ERCC2: variants seen among roughly 807,000 people sequenced by gnomAD.
ERCC2 encodes the protein general transcription and DNA repair factor IIH helicase subunit XPD.
ERCC2 carries 90 observed loss-of-function variants against 99.4 expected under a neutral mutation model. The ratio of observed to expected loss-of-function variants is 0.91; its 90% CI spans 0.76 to 1.08. ERCC2 has a LOEUF of 1.08. Among genes scored for constraint, ERCC2 ranks in the 50% least tolerant of loss-of-function variants. The pLI, the probability that ERCC2 is intolerant of heterozygous loss-of-function variation, is 0.00. For synonymous variants in ERCC2, 497 were observed against 432.4 expected, an observed-to-expected ratio of 1.15 and a Z score of -1.85; for missense variants, 993 against 1,038.1, an observed-to-expected ratio of 0.96 and a Z score of 0.60.
chr19:45,350,113 C>T lies in ERCC2; in HGVS notation c.*1516G>A, dbSNP rs1203452486. On this transcript the variant is annotated 3_prime_UTR_variant, in exon 23 of 23. Coordinates refer to ENST00000391945, the MANE Select transcript of ERCC2 (RefSeq NM_000400.4). Reference sequence around the variant, plus strand: ...CAAGGCTTTAGGCAGGGGAAGGATACGGCCAGGTCAGCACATTAGAAAGTG... The same window carrying T: ...CAAGGCTTTAGGCAGGGGAAGGATATGGCCAGGTCAGCACATTAGAAAGTG... 1.1e-5 allele frequency: 6 copies of T among 551,682 alleles called. No homozygotes were observed. Among genetic ancestry groups the T allele is most frequent in the African/African-American group, 3.8e-5 (2 of 52,944 alleles). The allele number at this position is 551,682 out of a possible 1,614,324, so 34.2% of individuals were successfully genotyped here.
rs755859951 is a variant in ERCC2, at chr19:45,351,351, C to T, written c.*278G>A. ...GCGCCAGCACCCAGGACCTGAGCCCCCACTAACGTCCAGTGAACTGCGCTG... is the reference window on the plus strand; with the variant it reads ...GCGCCAGCACCCAGGACCTGAGCCCTCACTAACGTCCAGTGAACTGCGCTG... On this transcript the variant is annotated 3_prime_UTR_variant, in exon 23 of 23. Transcript: ENST00000391945. The T allele has an allele frequency of 4.3e-6, 7 of 1,610,964 alleles. No homozygotes were observed. In the South Asian group the frequency reaches 4.4e-5, roughly 10 times the overall value.
chr19:45,352,845 G>A (rs780130421), intron 19 of ERCC2, 29 bp from the exon 20 acceptor site: 6 of 1,608,818 alleles, frequency 3.7e-6, no homozygotes, highest in East Asian at 2.2e-5. Context: ...GGGGCGAGGG[G>A]GGTTACAAGT....
Position 45,358,940 on chromosome 19 carries a change from A to G in ERCC2, c.1238-1241T>C, listed in dbSNP as rs753050140. 3 of 767,238 alleles carry G rather than the reference A, an allele frequency of 3.9e-6. No homozygotes were observed. The South Asian group carries it at 4.2e-5, about 11-fold the overall frequency. 47.5% of individuals were successfully genotyped at this position (767,238 alleles called of 1,614,324 possible). On this transcript the variant is annotated intron_variant, in intron 12 of 22. Transcript: ENST00000391945. ...GTTTGTTGAAGAAATAAATGAATGAATGAATTTACATATTCGGTTTCACAC... is the reference window on the plus strand; with the variant it reads ...GTTTGTTGAAGAAATAAATGAATGAGTGAATTTACATATTCGGTTTCACAC...
chr19:45,350,829 A>C lies in ERCC2; in HGVS notation c.*800T>G. 7.3e-7 allele frequency: 1 copy of C among 1,376,226 alleles called. No individual in the cohort carries two copies. Among genetic ancestry groups the C allele is most frequent in the Non-Finnish European group, 1.0e-6 (1 of 988,060 alleles). 85.3% of individuals were successfully genotyped at this position (1,376,226 alleles called of 1,614,324 possible). A position where few individuals can be genotyped will look rare whatever the true frequency, so the allele number is the denominator to read the frequency against. On this transcript the variant is annotated 3_prime_UTR_variant, in exon 23 of 23. Transcript: ENST00000391945. Reference sequence around the variant, plus strand: ...CCCACCCCCACCCCCATCTTGCTCAAGAACCTTCCATGGCTCCCATCTCCC... The same window carrying C: ...CCCACCCCCACCCCCATCTTGCTCACGAACCTTCCATGGCTCCCATCTCCC...
chr19:45,368,509 C>G lies in ERCC2; in HGVS notation c.360+121G>C, dbSNP rs376962750. The G allele has an allele frequency of 7.9e-4, 581 of 738,342 alleles. 5 individuals carry two copies. Among genetic ancestry groups the G allele is most frequent in the South Asian group, 1.5e-3 (104 of 67,764 alleles). 45.7% of individuals were successfully genotyped at this position (738,342 alleles called of 1,614,324 possible). A position where few individuals can be genotyped will look rare whatever the true frequency, so the allele number is the denominator to read the frequency against. Reference sequence around the variant, plus strand: ...GAATTTGACCACTGAGACGGGAATTCTGTGTGTAGCCACTGCATGCCTTTG... The same window carrying G: ...GAATTTGACCACTGAGACGGGAATTGTGTGTGTAGCCACTGCATGCCTTTG... On this transcript the variant is annotated intron_variant, in intron 5 of 22. Coordinates refer to ENST00000391945, the MANE Select transcript of ERCC2 (RefSeq NM_000400.4).
Position 45,365,062 on chromosome 19 carries a change from G to T in ERCC2, c.457C>A (p.Pro153Thr). The change falls in exon 6 of 23, where the codon CCC becomes ACC. Residue 153 changes from proline (P) to threonine (T), a missense_variant. Pro to Thr is a conservative substitution (Grantham distance 38). Around this residue, in one of 3 missense-constraint regions of ERCC2, gnomAD observed 909 missense variants for 930.8 expected, o/e 0.98. Coordinates refer to ENST00000391945, the MANE Select transcript of ERCC2 (RefSeq NM_000400.4). The stretch of plus-strand genomic sequence containing the variant: ...GTAACCTCATAGAATCGGCAGTGGG[G>T]CAGGCTGGTGTCATGCTGGTACTGC... The part of the protein sequence containing the change: ...RAQYQHDTSL[P>T]HCRFYEEFDA... 2 of 1,613,940 alleles carry T rather than the reference G, an allele frequency of 1.2e-6. No individual in the cohort carries two copies. The highest frequency in any genetic ancestry group is 1.7e-6 in the Non-Finnish European group (2 of 1,179,848).
rs775277909 is a variant in ERCC2 at position 45,363,946 on chromosome 19, C to T, written c.950-35G>A. On this transcript the variant is annotated intron_variant, in intron 10 of 22. Coordinates refer to ENST00000391945, the MANE Select transcript of ERCC2 (RefSeq NM_000400.4). ...GACGCTATCAGCGGCGACGGGGAGG[C>T]GGGAAAGGGACTGGGGGGCAGCGGG... 7.3e-6 allele frequency: 11 copies of T among 1,507,500 alleles called. No individual in the cohort carries two copies. The Middle Eastern group carries it at 6.9e-4, about 94-fold the overall frequency. The allele number at this position is 1,507,500 out of a possible 1,614,324, so 93.4% of individuals were successfully genotyped here.
intron 7 of ERCC2, 116 bp downstream of exon 7, chr19:45,364,722 G>C: frequency 8.1e-7 from 1 of 1,240,024 alleles, no homozygotes; most frequent in Non-Finnish European, 1.2e-6. Context: ...CACCAACAGG[G>C]AGATGCAGAC....
At chr19:45,352,117 G>A in intron 22 of ERCC2, 92 bp downstream of exon 22, 1 of 1,410,986 alleles carries the variant, frequency 7.1e-7, no homozygotes, top group Non-Finnish European at 9.8e-7. Context: ...AGGACAGGCA[G>A]GCTGAGGGTG....
Position 45,368,708 on chromosome 19 carries a change from A to G in ERCC2, c.282T>C (p.Tyr94=). Reference sequence around the variant, plus strand: ...GCAGCTTCTCGCCCTCCTGCTTCTCATAGAAGTTGAGCAACTTTCGAAGCT... The same window carrying G: ...GCAGCTTCTCGCCCTCCTGCTTCTCGTAGAAGTTGAGCAACTTTCGAAGCT... ...IEELRKLLNF[Y]EKQEGEKLPF... Residue 94 remains tyrosine (Y), a synonymous_variant, in exon 5 of 23, where the codon TAT becomes TAC. Coordinates refer to ENST00000391945, the MANE Select transcript of ERCC2 (RefSeq NM_000400.4). 6.2e-7 allele frequency: 1 copy of G among 1,614,026 alleles called. No individual in the cohort carries two copies. Among genetic ancestry groups the G allele is most frequent in the East Asian group, 2.2e-5 (1 of 44,884 alleles).
At chr19:45,353,626 G>T (rs1971907927) in intron 17 of ERCC2, among the ~76,000 whole-genome samples, 1 of 152,200 alleles carries the variant, frequency 6.6e-6, no homozygotes, top group Non-Finnish European at 1.5e-5. Flanking sequence ...TGTGAGGCAG[G>T]CAGAGCCAAT....
rs371191877 is a variant in ERCC2, at chr19:45,350,572, G to A, written c.*1057C>T. 86 of 1,613,868 alleles carry A rather than the reference G, an allele frequency of 5.3e-5. No homozygotes were observed. The highest frequency in any genetic ancestry group is 3.7e-4 in the African/African-American group (28 of 74,942). On this transcript the variant is annotated 3_prime_UTR_variant, in exon 23 of 23. Coordinates refer to ENST00000391945, the MANE Select transcript of ERCC2 (RefSeq NM_000400.4). ...AACAGGTGAGGATGGGCTGTGCTTC[G>A]GCTCCTGGGGTGGGCGTGGGGACTG...
chr19:45,352,138 A>G lies in ERCC2; in HGVS notation c.2190+71T>C, dbSNP rs1490347955. ...GGCAGGCTGAGGGTGGGGAGTGGGG[A>G]GAATCCAAGGGGACTTTCTGGAGGA... On this transcript the variant is annotated intron_variant, in intron 22 of 22. Coordinates refer to ENST00000391945, the MANE Select transcript of ERCC2 (RefSeq NM_000400.4). The G allele has an allele frequency of 1.9e-5, 29 of 1,547,230 alleles. No individual in the cohort carries two copies. The South Asian group carries it at 2.5e-4, about 13-fold the overall frequency.
rs761085729 is a variant in ERCC2, at chr19:45,352,574, C to A, written c.1978G>T (p.Ala660Ser). 1.2e-6 allele frequency: 2 copies of A among 1,614,060 alleles called. No individual in the cohort carries two copies. Among genetic ancestry groups the A allele is most frequent in the Non-Finnish European group, 1.7e-6 (2 of 1,180,012 alleles). The change falls in exon 21 of 23, where the codon GCG (alanine) becomes TCG (serine). Residue 660 changes from alanine (A) to serine (S), a missense_variant. By Grantham distance (99) the Ala-to-Ser change is moderately conservative (BLOSUM62 1). This residue lies in a region of ERCC2 where 909 missense variants were observed against 930.8 expected (regional missense o/e 0.98). Coordinates refer to ENST00000391945, the MANE Select transcript of ERCC2 (RefSeq NM_000400.4). ...DFLTFDAMRH[A>S]AQCVGRAIRG... is the part of the protein sequence containing the mutation. ...ATGGCCCGACCCACACACTGGGCCG[C>A]GTGGCGCATGGCATCGAAGGTAAGA...
In ERCC2 at chr19:45,352,330, C is replaced by G. The variant is rs537616689; in HGVS notation, c.2069G>C (p.Arg690Pro). Residue 690 changes from arginine (R) to proline (P), a missense_variant, in exon 22 of 23, where the codon CGG (arginine) becomes CCG (proline). Transcript: ENST00000391945. ...CTGGATCCAGCGGGGCAGCTTCCCC[C>G]GCTTGTCCCCACGGGCAAACCGCTG... is the stretch of plus-strand genomic sequence containing the variant. ...ADKRFARGDK[R>P]GKLPRWIQEH... 4 of 1,613,948 alleles carry G rather than the reference C, an allele frequency of 2.5e-6. No individual in the cohort carries two copies. The highest frequency in any genetic ancestry group is 3.4e-6 in the Non-Finnish European group (4 of 1,180,030).
At chr19:45,353,396 A>G (rs953896229) in intron 17 of ERCC2, 62 bp from the exon 18 acceptor site, 3 of 1,138,342 alleles carry the variant, frequency 2.6e-6, no homozygotes, top group East Asian at 5.0e-5. Context: ...GTTACATCCA[A>G]CTCTTCTGGG....
chr19:45,361,899 T>C (rs1972236354), intron 11 of ERCC2: 1 of 492,384 alleles, frequency 2.0e-6, no homozygotes, highest in Non-Finnish European at 3.8e-6. Flanking sequence ...TTGTCACACC[T>C]GCTAGCACGA....
intron 15 of ERCC2, 81 bp from the exon 16 acceptor site, chr19:45,355,809 CTAAGCTTTT>C: frequency 1.4e-6 from 1 of 731,584 alleles, no homozygotes; most frequent in Non-Finnish European, 2.3e-6. Context: ...TGGTGCTGTT[CTAAGCTTTT>C]TTTTTTTTTT....
At chr19:45,369,047 T>TA in intron 3 of ERCC2, 23 bp downstream of exon 3, 2 of 1,614,030 alleles carry the variant, frequency 1.2e-6, no homozygotes, top group Non-Finnish European at 1.7e-6. Context: ...TGTCTGCCTT[T>TA]ACGGGTTCAG....
Sources: gnomAD v4.1 joint callset for allele counts (sites outside exome capture counted in the v4.1 genomes callset) on GRCh38, gnomAD v4.1.1 for gene constraint, gnomAD v4.1.1 regional missense constraint, MANE v1.5 for transcripts, NCBI Gene and HGNC (gene_info 2026-07-23, HGNC 2026-07-21) for gene names.